The following GUCY2F variants were observed in gnomAD, a reference collection of about 807,000 sequenced individuals.
GUCY2F encodes guanylate cyclase 2F, retinal.
A neutral mutation model predicts 73.1 loss-of-function variants in GUCY2F; 61 were observed. That is an observed-to-expected ratio of 0.83 (90% CI 0.68 to 1.03). The LOEUF is 1.03. GUCY2F is among the 50% of genes least tolerant of loss of function. GUCY2F has a pLI of 0.00. For missense variants in GUCY2F, 912 were observed against 854.3 expected (o/e 1.07, Z -0.84); for synonymous variants, 331 against 307.8 (o/e 1.08, Z -0.79).
chrX:109,477,280 G>C (rs1293121554), intron 1 of GUCY2F, among the ~76,000 whole-genome samples: 1 of 111,643 alleles, frequency 9.0e-6, no homozygotes, highest in East Asian at 2.8e-4. Context: ...GAGGACTCTA[G>C]GATGATTTTG....
intron 8 of GUCY2F, among the ~76,000 whole-genome samples, chrX:109,414,073 T>C (rs1931179573): frequency 9.0e-6 from 1 of 110,796 alleles, no homozygotes. Flanking sequence ...GCGAATCTCC[T>C]CCCAAATAGC....
intron 8 of GUCY2F, among the ~76,000 whole-genome samples, chrX:109,425,836 G>GA (rs1193176991): frequency 1.1e-4 from 12 of 110,697 alleles, no homozygotes; most frequent in Non-Finnish European, 2.1e-4. Flanking sequence ...TCTATGAAAA[G>GA]AAAAAAAGAC....
chrX:109,444,608 C>T (rs1245797468), intron 6 of GUCY2F, among the ~76,000 whole-genome samples: 2 of 111,934 alleles, frequency 1.8e-5, no homozygotes, highest in Admixed American at 9.5e-5. Context: ...TTCTCTTCTC[C>T]AAGCTTCTGT....
chrX:109,464,994 T>C, intron 3 of GUCY2F, 148 bp downstream of exon 3: 3 of 460,151 alleles, frequency 6.5e-6, no homozygotes, highest in Middle Eastern at 6.0e-4. Context: ...ACAAATGTTT[T>C]CAGCAAACTA....
chrX:109,407,704 G>A (rs1362295945), intron 9 of GUCY2F, among the ~76,000 whole-genome samples: 1 of 113,339 alleles, frequency 8.8e-6, no homozygotes, highest in African/African-American at 3.2e-5. Flanking sequence ...CTCCAACTGT[G>A]GCTGAAAGGG....
intron 8 of GUCY2F, among the ~76,000 whole-genome samples, chrX:109,417,070 A>T (rs1335527881): frequency 9.0e-6 from 1 of 110,977 alleles, no homozygotes; most frequent in African/African-American, 3.3e-5. Flanking sequence ...AACTGAGAAA[A>T]TTCATCATCA....
intron 6 of GUCY2F, among the ~76,000 whole-genome samples, chrX:109,446,426 G>C (rs5943358): frequency 0.016 from 1,775 of 111,431 alleles, 13 homozygotes; most frequent in Middle Eastern, 0.028. Context: ...CCAAAACAGA[G>C]ATATAGATCA....
chrX:109,400,476 C>A (rs748217810), intron 10 of GUCY2F, among the ~76,000 whole-genome samples: 9 of 111,767 alleles, frequency 8.1e-5, no homozygotes, highest in Admixed American at 9.4e-5. Flanking sequence ...AAACAAAGTC[C>A]TATGAAATAG....
At chrX:109,406,679 T>C (rs1057162764) in intron 9 of GUCY2F, among the ~76,000 whole-genome samples, 1 of 111,487 alleles carries the variant, frequency 9.0e-6, no homozygotes, top group Non-Finnish European at 1.9e-5. Context: ...TCCCCATGTG[T>C]TGTGGGAGGG....
At chrX:109,412,500 G>A (rs1931135366) in intron 8 of GUCY2F, among the ~76,000 whole-genome samples, 1 of 111,966 alleles carries the variant, frequency 8.9e-6, no homozygotes, top group Admixed American at 9.5e-5. Context: ...CAGTTAAGGT[G>A]GACAGAAACT....
chrX:109,383,259 T>C (rs1930360867), intron 16 of GUCY2F: 1 of 160,491 alleles, frequency 6.2e-6, no homozygotes, highest in African/African-American at 3.1e-5. Context: ...TCCTAGCCAG[T>C]CCTATGTGTG....
intron 9 of GUCY2F, among the ~76,000 whole-genome samples, chrX:109,407,875 GC>G (rs374574818): frequency 9.7e-4 from 110 of 113,203 alleles, no homozygotes; most frequent in African/African-American, 3.3e-3. Context: ...GGATGCCCAG[GC>G]AAAAGTTTGC....
At chrX:109,447,412 T>C (rs1932039114) in intron 6 of GUCY2F, among the ~76,000 whole-genome samples, 1 of 110,750 alleles carries the variant, frequency 9.0e-6, no homozygotes, top group Non-Finnish European at 1.9e-5. Context: ...TAAGAAAATG[T>C]GGCACATATA....
At chrX:109,437,153 C>T (rs1260425945) in intron 7 of GUCY2F, among the ~76,000 whole-genome samples, 2 of 111,264 alleles carry the variant, frequency 1.8e-5, no homozygotes, top group Non-Finnish European at 3.8e-5. Flanking sequence ...CCTCTTTAAC[C>T]TCTTTAGTCA....
At chrX:109,401,896 G>T (rs746602275) in intron 10 of GUCY2F, among the ~76,000 whole-genome samples, 2 of 110,954 alleles carry the variant, frequency 1.8e-5, no homozygotes, top group South Asian at 7.7e-4. Flanking sequence ...AGTAGTAAGA[G>T]ACAGCCTGGT....
chrX:109,375,400 T>C (rs1312988296), intron 19 of GUCY2F, among the ~76,000 whole-genome samples: 2 of 111,282 alleles, frequency 1.8e-5, no homozygotes, highest in African/African-American at 6.5e-5. Flanking sequence ...CTTATTTTGG[T>C]TGGCAAAATT....
chrX:109,424,036 G>C (rs1931429218), intron 8 of GUCY2F, among the ~76,000 whole-genome samples: 1 of 111,889 alleles, frequency 8.9e-6, no homozygotes, highest in African/African-American at 3.2e-5. Flanking sequence ...TCAGTATCAG[G>C]AATGAAACAG....
Position 109,475,639 on chromosome X carries a change from G to T in GUCY2F, c.298C>A (p.Leu100Ile). The change falls in exon 2 of 20, where the codon CTC (leucine) becomes ATC (isoleucine). Residue 100 changes from leucine (L) to isoleucine (I), a missense_variant. Coordinates refer to ENST00000218006, the MANE Select transcript of GUCY2F (RefSeq NM_001522.3). ...CTCGAAGTCTGGCAGTCTTCATTGAGAATCACGTATTCAAAAGAATAACTC... is the reference window on the plus strand; with the variant it reads ...CTCGAAGTCTGGCAGTCTTCATTGATAATCACGTATTCAAAAGAATAACTC... The part of the protein sequence containing the change: ...DLSYSFEYVI[L>I]NEDCQTSRAL... The T allele has an allele frequency of 8.3e-7, 1 of 1,209,447 alleles. No individual in the cohort carries two copies. The highest frequency in any genetic ancestry group is 1.1e-6 in the Non-Finnish European group (1 of 893,513).
Position 109,391,783 on chromosome X carries a change from T to C in GUCY2F, c.2781+128A>G, listed in dbSNP as rs1341328030. The C allele has an allele frequency of 1.6e-5, 6 of 381,197 alleles. No individual in the cohort carries two copies. In the Admixed American group the frequency reaches 2.7e-4, roughly 17 times the overall value. 31.4% of individuals were successfully genotyped at this position (381,197 alleles called of 1,213,427 possible). A position where few individuals can be genotyped will look rare whatever the true frequency, so the allele number is the denominator to read the frequency against. On this transcript the variant is annotated intron_variant, in intron 14 of 19. Transcript: ENST00000218006. ...CAGTGATATACCAATGGAAGGGGTG[T>C]ACTATTTAATTTGTTATTCCTAAAT...
Sources: allele counts gnomAD v4.1 joint callset (sites outside exome capture counted in the v4.1 genomes callset), GRCh38; gene constraint gnomAD v4.1.1; transcripts MANE v1.5; gene names NCBI Gene and HGNC (gene_info 2026-07-23, HGNC 2026-07-21).